Variants in DIAPH2 observed in about 807,000 individuals in gnomAD.
DIAPH2 encodes protein diaphanous homolog 2.
In DIAPH2, 35 loss-of-function variants were observed where a neutral mutation model predicts 92.7. That is an observed-to-expected ratio of 0.38 (90% CI 0.29 to 0.50). The LOEUF (loss-of-function observed/expected upper bound fraction) is 0.50, where lower values mean the gene tolerates loss of function less well. Among genes scored for constraint, DIAPH2 ranks in the 20% least tolerant of loss-of-function variants. DIAPH2 has a pLI of 0.94. For missense variants in DIAPH2, 701 were observed against 819.5 expected (o/e 0.86, Z 1.77); for synonymous variants, 301 against 280.4 (o/e 1.07, Z -0.73).
chrX:96,773,791 G>A (rs984111795), intron 4 of DIAPH2, among the ~76,000 whole-genome samples: 2 of 111,474 alleles, frequency 1.8e-5, no homozygotes, highest in Non-Finnish European at 3.8e-5. Flanking sequence ...AGGTTGCAGT[G>A]AGCTGAGATC....
chrX:97,493,986 A>G (rs759299487), intron 26 of DIAPH2, among the ~76,000 whole-genome samples: 5 of 103,600 alleles, frequency 4.8e-5, no homozygotes, highest in Non-Finnish European at 9.9e-5. Context: ...GGAGTCTGAG[A>G]TGCGTGAATC....
chrX:96,806,841 C>G (rs2064631382), intron 4 of DIAPH2, among the ~76,000 whole-genome samples: 1 of 106,073 alleles, frequency 9.4e-6, no homozygotes, highest in Non-Finnish European at 1.9e-5. Context: ...CCCGGGTTCA[C>G]GCCATTCTCC....
At chrX:97,431,794 G>A (rs775825793) in intron 26 of DIAPH2, 1 of 112,031 alleles carries the variant, frequency 8.9e-6, no homozygotes, top group Non-Finnish European at 1.9e-5. Context: ...TGAGGGAGTG[G>A]GGACAGAAGG....
intron 26 of DIAPH2, among the ~76,000 whole-genome samples, chrX:97,535,913 G>T (rs2071092354): frequency 1.8e-5 from 2 of 112,133 alleles, no homozygotes; most frequent in Non-Finnish European, 3.8e-5. Context: ...AAAGACTATG[G>T]TCCCAGTACA....
At chrX:97,301,334 T>C (rs1020536518) in intron 23 of DIAPH2, among the ~76,000 whole-genome samples, 1 of 110,977 alleles carries the variant, frequency 9.0e-6, no homozygotes, top group Non-Finnish European at 1.9e-5. Context: ...TTACATATGA[T>C]ACATTAAGTA....
intron 17 of DIAPH2, among the ~76,000 whole-genome samples, chrX:96,974,350 A>G (rs987454965): frequency 2.7e-5 from 3 of 111,793 alleles, no homozygotes; most frequent in Non-Finnish European, 3.8e-5. Context: ...GTGGACAGAT[A>G]GGTGATGGGA....
chrX:97,527,227 C>T (rs1333234230), intron 26 of DIAPH2, among the ~76,000 whole-genome samples: 1 of 111,869 alleles, frequency 8.9e-6, no homozygotes, highest in African/African-American at 3.2e-5. Context: ...TTAACTGGGT[C>T]GTACATGAAA....
intron 23 of DIAPH2, among the ~76,000 whole-genome samples, chrX:97,266,572 G>A (rs1273430495): frequency 9.0e-6 from 1 of 111,626 alleles, no homozygotes; most frequent in Non-Finnish European, 1.9e-5. Flanking sequence ...TCGATGTCCT[G>A]TAACTTCTCC....
chrX:97,239,229 G>A lies in DIAPH2; in HGVS notation c.2720-8486G>A, dbSNP rs902952799. Reference sequence around the variant, plus strand: ...TACTGTGTAATTGAAGAGTCCTTCCGTTCAAACTCTTGCTTAAAATATGTA... The same window carrying A: ...TACTGTGTAATTGAAGAGTCCTTCCATTCAAACTCTTGCTTAAAATATGTA... On this transcript the variant is annotated intron_variant, in intron 22 of 26. Coordinates refer to ENST00000324765, the MANE Select transcript of DIAPH2 (RefSeq NM_006729.5). 1.1e-4 allele frequency among the ~76,000 whole-genome samples: 12 copies of A among 111,414 alleles called. No homozygotes were observed. The South Asian group carries it at 1.1e-3, about 10-fold the overall frequency.
intron 17 of DIAPH2, among the ~76,000 whole-genome samples, chrX:97,041,074 T>A (rs1238341018): frequency 1.8e-5 from 2 of 111,459 alleles, no homozygotes; most frequent in East Asian, 2.8e-4. Context: ...ATTTGACTTA[T>A]CCTTTGATGA....
At chrX:97,173,870 T>C (rs1324963764) in intron 22 of DIAPH2, among the ~76,000 whole-genome samples, 1 of 106,856 alleles carries the variant, frequency 9.4e-6, no homozygotes, top group Non-Finnish European at 1.9e-5. Context: ...TGATTGCTAC[T>C]GCACTCCAGC....
At chrX:97,173,461 A>G (rs2067468661) in intron 22 of DIAPH2, among the ~76,000 whole-genome samples, 1 of 112,360 alleles carries the variant, frequency 8.9e-6, no homozygotes, top group Admixed American at 9.5e-5. Context: ...TTGCACTCTT[A>G]TGATGCATGA....
chrX:96,797,734 G>C (rs769242302), intron 4 of DIAPH2, among the ~76,000 whole-genome samples: 173 of 112,059 alleles, frequency 1.5e-3, no homozygotes, highest in Admixed American at 1.9e-3. Context: ...AGGATGTGCA[G>C]GATTGTTACA....
chrX:96,927,052 T>A (rs1602635366), intron 9 of DIAPH2, among the ~76,000 whole-genome samples: 1 of 111,310 alleles, frequency 9.0e-6, no homozygotes, highest in Non-Finnish European at 1.9e-5. Context: ...AGAAATGATA[T>A]CAAGCAAGAT....
intron 4 of DIAPH2, among the ~76,000 whole-genome samples, chrX:96,777,838 G>T (rs2064387108): frequency 9.0e-6 from 1 of 111,206 alleles, no homozygotes; most frequent in Admixed American, 9.6e-5. Context: ...CTTTATTAAA[G>T]AAATTGATCA....
chrX:97,319,171 A>T (rs957478665), intron 23 of DIAPH2, among the ~76,000 whole-genome samples: 9 of 112,370 alleles, frequency 8.0e-5, no homozygotes, highest in African/African-American at 2.9e-4. Flanking sequence ...TTGTATAGAA[A>T]TTGATAATTT....
intron 21 of DIAPH2, among the ~76,000 whole-genome samples, chrX:97,120,411 C>T (rs2067047954): frequency 9.1e-6 from 1 of 110,190 alleles, no homozygotes; most frequent in Non-Finnish European, 1.9e-5. Context: ...GCAGCAGTCC[C>T]CTTCCTTCAG....
At chrX:96,693,896 A>G (rs778878453) in intron 1 of DIAPH2, among the ~76,000 whole-genome samples, 1 of 111,797 alleles carries the variant, frequency 8.9e-6, no homozygotes, top group Non-Finnish European at 1.9e-5. Flanking sequence ...TTAGCTGTGC[A>G]TGATGGGAGA....
rs143277227 is a variant in DIAPH2, at chrX:96,950,904, A to G, written c.1614+1865A>G. ...ACCTTTCCTCCCTTCACATTTGGAA[A>G]TTACTGTCTCCATACTTAACCCTTC... is the stretch of plus-strand genomic sequence containing the variant. On this transcript the variant is annotated intron_variant, in intron 15 of 26. Coordinates refer to ENST00000324765, the MANE Select transcript of DIAPH2 (RefSeq NM_006729.5). Among the ~76,000 whole-genome samples, 6 of 111,610 alleles carry G rather than the reference A, an allele frequency of 5.4e-5. No homozygotes were observed. In the East Asian group the frequency reaches 1.7e-3, roughly 31 times the overall value.
Sources: allele counts gnomAD v4.1 joint callset (sites outside exome capture counted in the v4.1 genomes callset), GRCh38; gene constraint gnomAD v4.1.1; transcripts MANE v1.5; gene names NCBI Gene and HGNC (gene_info 2026-07-23, HGNC 2026-07-21).